ITGA4: variants seen among roughly 807,000 people sequenced by gnomAD.
ITGA4 encodes integrin alpha-4.
A neutral mutation model predicts 133.6 loss-of-function variants in ITGA4; 63 were observed. That is an observed-to-expected ratio of 0.47 (90% CI 0.38 to 0.58). ITGA4 has a LOEUF of 0.58. Ranked by LOEUF, ITGA4 falls within the 20% of genes least tolerant of loss-of-function variation. The pLI is 0.00. For missense variants in ITGA4, 1,076 were observed against 1,252.7 expected (o/e 0.86, Z 2.13); for synonymous variants, 483 against 438.0 (o/e 1.10, Z -1.28).
At chr2:181,499,682 T>A (rs963473207) in intron 15 of ITGA4, among the ~76,000 whole-genome samples, 7 of 152,180 alleles carry the variant, frequency 4.6e-5, no homozygotes, top group African/African-American at 1.7e-4. Context: ...TTTTTATTGT[T>A]GTACTAGAAT....
At position 181,537,621 on chromosome 2, in the gene ITGA4, TTGA is replaced by T. The variant is rs1249754208; in HGVS notation, c.*2098_*2100del. 1 of 432,302 alleles carries T rather than the reference TTGA, an allele frequency of 2.3e-6. No homozygotes were observed. Among genetic ancestry groups the T allele is most frequent in the African/African-American group, 2.1e-5 (1 of 48,590 alleles). The allele number at this position is 432,302 out of a possible 1,614,324, so 26.8% of individuals were successfully genotyped here. A position where few individuals can be genotyped will look rare whatever the true frequency, so the allele number is the denominator to read the frequency against. On this transcript the variant is annotated 3_prime_UTR_variant, in exon 28 of 28. Coordinates refer to ENST00000397033, the MANE Select transcript of ITGA4 (RefSeq NM_000885.6). ...ACAGAATATAGGAAATTTAACATAA[TTGA>T]TGAGCTCAAATCCTGAAAAATGAAA...
intron 17 of ITGA4, among the ~76,000 whole-genome samples, chr2:181,519,379 G>C (rs561796185): frequency 6.6e-6 from 1 of 151,974 alleles, no homozygotes; most frequent in Non-Finnish European, 1.5e-5. Context: ...GGTGCTTAAC[G>C]CATGTATTCA....
chr2:181,514,702 A>AT (rs1331012865), intron 17 of ITGA4, among the ~76,000 whole-genome samples: 3 of 151,940 alleles, frequency 2.0e-5, no homozygotes, highest in African/African-American at 7.3e-5. Flanking sequence ...GAGTGTTTTC[A>AT]TTTTCTTAAA....
In ITGA4 at chr2:181,482,539, T is replaced by TG. The variant is rs1356234933; in HGVS notation, c.929_930insG (p.Cys311LeufsTer52). ...CTTGGATCGTACTTTGGAGCTTCTG[T>TG]CTGTGCTGTGGACCTCAATGCAGAT... On this transcript the variant is annotated frameshift_variant, in exon 9 of 28. Coordinates refer to ENST00000397033, the MANE Select transcript of ITGA4 (RefSeq NM_000885.6). LOFTEE classifies it high-confidence loss of function. 6.2e-7 allele frequency: 1 copy of TG among 1,613,846 alleles called. No individual in the cohort carries two copies. The highest frequency in any genetic ancestry group is 1.1e-5 in the South Asian group (1 of 91,066).
chr2:181,499,655 C>T (rs1024920590), intron 15 of ITGA4, among the ~76,000 whole-genome samples: 7 of 152,180 alleles, frequency 4.6e-5, no homozygotes, highest in African/African-American at 1.7e-4. Flanking sequence ...ATGCTATTTC[C>T]TCATTTCCCT....
chr2:181,538,130 A>C lies in ITGA4; in HGVS notation c.*2603A>C. ...GACCACAGGTTTAAAGCATGGCCAC[A>C]TTTCTTTATATTAAAATTCTAGTTT... On this transcript the variant is annotated 3_prime_UTR_variant, in exon 28 of 28. Coordinates refer to ENST00000397033, the MANE Select transcript of ITGA4 (RefSeq NM_000885.6). 8.0e-7 allele frequency: 1 copy of C among 1,248,976 alleles called. No individual in the cohort carries two copies. Among genetic ancestry groups the C allele is most frequent in the Non-Finnish European group, 1.2e-6 (1 of 854,574 alleles). 77.4% of individuals were successfully genotyped at this position (1,248,976 alleles called of 1,614,324 possible).
intron 4 of ITGA4, among the ~76,000 whole-genome samples, chr2:181,477,589 A>C (rs1478368493): frequency 6.6e-6 from 1 of 152,156 alleles, no homozygotes; most frequent in Non-Finnish European, 1.5e-5. Context: ...AAGTAGATGA[A>C]AAGGTGCTTA....
At chr2:181,533,974 G>C (rs372544043) in intron 25 of ITGA4, among the ~76,000 whole-genome samples, 1 of 152,058 alleles carries the variant, frequency 6.6e-6, no homozygotes, top group Non-Finnish European at 1.5e-5. Context: ...TTCAATATGC[G>C]GTGGTGGGGT....
intron 14 of ITGA4, among the ~76,000 whole-genome samples, chr2:181,497,269 A>G (rs142454058): frequency 1.3e-5 from 2 of 152,358 alleles, no homozygotes; most frequent in East Asian, 3.9e-4. Flanking sequence ...AGTTGAAGAC[A>G]AACATACGAA....
intron 20 of ITGA4, among the ~76,000 whole-genome samples, 197 bp from the exon 21 acceptor site, chr2:181,525,003 AAC>A (rs1226982410): frequency 6.6e-6 from 1 of 152,124 alleles, no homozygotes; most frequent in Admixed American, 6.5e-5. Flanking sequence ...AGCAAATGAT[AAC>A]AGTTTAAATA....
At chr2:181,459,239 A>T (rs1044411462) in intron 2 of ITGA4, 5 of 152,224 alleles carry the variant, frequency 3.3e-5, no homozygotes, top group Non-Finnish European at 7.3e-5. Context: ...ACTAAAGTCA[A>T]ACTAGGGTCT....
rs1686598142 is a variant in ITGA4, at chr2:181,516,006, C to G, written c.1922+4231C>G. On this transcript the variant is annotated intron_variant, in intron 17 of 27. Transcript: ENST00000397033. This position sits in a 1 kb window ranked among gnomAD's most constrained non-coding sequence, Gnocchi z 4.0. The stretch of plus-strand genomic sequence containing the variant: ...TAAACAGTGCTTATCCACTCTCTCT[C>G]ATCTCTTAAGTTGAGGCTTCCTCCT... Among the ~76,000 whole-genome samples the G allele has an allele frequency of 1.6e-4, 1 of 6,312 alleles. No homozygotes were observed. The highest frequency in any genetic ancestry group is 0.1 in the South Asian group (1 of 10). 4.1% of individuals were successfully genotyped at this position (6,312 alleles called of 152,430 possible). A position where few individuals can be genotyped will look rare whatever the true frequency, so the allele number is the denominator to read the frequency against.
At chr2:181,521,819 A>C (rs1420400174) in intron 17 of ITGA4, among the ~76,000 whole-genome samples, 2 of 152,152 alleles carry the variant, frequency 1.3e-5, no homozygotes, top group African/African-American at 4.8e-5. Flanking sequence ...TTCAATGTCT[A>C]TTTTAGGCTT....
intron 6 of ITGA4, among the ~76,000 whole-genome samples, chr2:181,481,373 A>C (rs1483392091): frequency 6.6e-6 from 1 of 152,222 alleles, no homozygotes; most frequent in African/African-American, 2.4e-5. Context: ...TTCAATTTCT[A>C]GGACTCGGAA....
Position 181,495,717 on chromosome 2 carries a change from A to G in ITGA4, c.1386-66A>G, listed in dbSNP as rs576579754. 7.1e-7 allele frequency: 1 copy of G among 1,401,556 alleles called. No homozygotes were observed. Among genetic ancestry groups the G allele is most frequent in the Non-Finnish European group, 9.9e-7 (1 of 1,010,726 alleles). The allele number at this position is 1,401,556 out of a possible 1,614,324, so 86.8% of individuals were successfully genotyped here. A position where few individuals can be genotyped will look rare whatever the true frequency, so the allele number is the denominator to read the frequency against. Reference sequence around the variant, plus strand: ...TGGTGAATGTAAACTGAAAAAACAAACGCATTTCTCTCCTTAAGGAAAAAT... The same window carrying G: ...TGGTGAATGTAAACTGAAAAAACAAGCGCATTTCTCTCCTTAAGGAAAAAT... On this transcript the variant is annotated intron_variant, in intron 13 of 27. Coordinates refer to ENST00000397033, the MANE Select transcript of ITGA4 (RefSeq NM_000885.6). This position sits in a 1 kb window ranked among gnomAD's most constrained non-coding sequence, Gnocchi z 4.3.
At chr2:181,473,006 C>T (rs138300869) in intron 2 of ITGA4, among the ~76,000 whole-genome samples, 1 of 152,362 alleles carries the variant, frequency 6.6e-6, no homozygotes, top group Non-Finnish European at 1.5e-5. Context: ...CTCCTCCCTT[C>T]AGTCTAGTTC....
At position 181,457,467 on chromosome 2, in the gene ITGA4, G is replaced by C; in HGVS notation, c.-188G>C. 1 of 575,968 alleles carries C rather than the reference G, an allele frequency of 1.7e-6. No homozygotes were observed. The highest frequency in any genetic ancestry group is 3.0e-6 in the Non-Finnish European group (1 of 334,136). The allele number at this position is 575,968 out of a possible 1,614,324, so 35.7% of individuals were successfully genotyped here. On this transcript the variant is annotated 5_prime_UTR_variant, in exon 1 of 28. Coordinates refer to ENST00000397033, the MANE Select transcript of ITGA4 (RefSeq NM_000885.6). ...GGGCGAGTGCGCGGCATCCCAGGCC[G>C]GCCCGAACGCTCCGCCCGCGGTGGG... is the stretch of plus-strand genomic sequence containing the variant.
At chr2:181,472,079 G>A (rs1685567262) in intron 2 of ITGA4, among the ~76,000 whole-genome samples, 1 of 152,152 alleles carries the variant, frequency 6.6e-6, no homozygotes, top group South Asian at 2.1e-4. Flanking sequence ...AGTAGTTTGT[G>A]GTGTGTGTAA....
intron 17 of ITGA4, among the ~76,000 whole-genome samples, chr2:181,517,458 T>C (rs577122132): frequency 1.3e-5 from 2 of 152,106 alleles, no homozygotes; most frequent in East Asian, 3.9e-4. Context: ...TGATTCTGTA[T>C]GTACACAGTA....
Sources: allele counts gnomAD v4.1 joint callset (sites outside exome capture counted in the v4.1 genomes callset), GRCh38; gene constraint gnomAD v4.1.1; non-coding constraint Gnocchi (gnomAD v3.1); transcripts MANE v1.5; gene names NCBI Gene and HGNC (gene_info 2026-07-23, HGNC 2026-07-21).